SLC6A2: variants seen among roughly 807,000 people sequenced by gnomAD.
The protein encoded by SLC6A2 is solute carrier family 6 member 2.
Under a neutral mutation model 71.7 loss-of-function variants are expected in SLC6A2, and 26 were observed. The observed-to-expected ratio is 0.36, with a 90% CI of 0.27 to 0.50. The LOEUF is 0.50. Among genes scored for constraint, SLC6A2 ranks in the 20% least tolerant of loss-of-function variants. SLC6A2 has a pLI of 0.96. For missense variants in SLC6A2, 581 were observed against 803.9 expected, an observed-to-expected ratio of 0.72 and a Z score of 3.35; for synonymous variants, 363 against 337.9, an observed-to-expected ratio of 1.07 and a Z score of -0.82.
intron 4 of SLC6A2, 108 bp downstream of exon 4, chr16:55,672,283 A>G (rs1964947067): frequency 1.3e-6 from 2 of 1,586,070 alleles, no homozygotes; most frequent in Admixed American, 1.7e-5. Flanking sequence ...CCGTCAGGAT[A>G]TTAATGTTTA....
intron 10 of SLC6A2, 104 bp downstream of exon 10, chr16:55,698,129 C>A (rs1332716290): frequency 8.9e-5 from 114 of 1,279,388 alleles, no homozygotes; most frequent in Non-Finnish European, 1.1e-4. Flanking sequence ...TCAGGGAGAA[C>A]AATGCAGGAT....
chr16:55,679,067 C>A (rs1965186698), intron 4 of SLC6A2, among the ~76,000 whole-genome samples: 3 of 152,134 alleles, frequency 2.0e-5, no homozygotes, highest in African/African-American at 7.2e-5. Context: ...AGTTTCAGGG[C>A]AAGGATGATT....
chr16:55,692,880 A>G (rs13339610), intron 6 of SLC6A2, among the ~76,000 whole-genome samples: 75,108 of 152,072 alleles, frequency 0.49, 18,683 homozygotes, highest in Middle Eastern at 0.55. Flanking sequence ...GAGAAAACCT[A>G]TTTTCATAGT....
Position 55,671,916 on chromosome 16 carries a change from C to T in SLC6A2, c.407-22C>T, listed in dbSNP as rs766040714. 1.1e-5 allele frequency: 17 copies of T among 1,613,896 alleles called. No homozygotes were observed. The South Asian group carries it at 1.8e-4, about 17-fold the overall frequency. The stretch of plus-strand genomic sequence containing the variant: ...GGGGCTGGGCCTGGGAGACTCCTAC[C>T]TTACCCCCTGTCCCTGCCCAGGCGT... On this transcript the variant is annotated intron_variant, in intron 3 of 14. Transcript: ENST00000568943.
At chr16:55,692,988 C>T (rs1965683851) in intron 6 of SLC6A2, among the ~76,000 whole-genome samples, 1 of 152,204 alleles carries the variant, frequency 6.6e-6, no homozygotes, top group African/African-American at 2.4e-5. Flanking sequence ...TTATGCCAAA[C>T]CTTTCAGATG....
rs1228382244 is a variant in SLC6A2 at position 55,656,944 on chromosome 16, T to A, written c.250T>A (p.Tyr84Asn). Residue 84 changes from tyrosine to asparagine, a missense_variant, in exon 2 of 15, where the codon TAC becomes AAC. Physicochemically the swap from Tyr to Asn is moderately radical, Grantham distance 143. Coordinates refer to ENST00000568943, the MANE Select transcript of SLC6A2 (RefSeq NM_001172501.3). This position sits in a 1 kb window ranked among gnomAD's most constrained non-coding sequence, Gnocchi z 4.5. ...CCTGGCCAACGTGTGGCGCTTCCCC[T>A]ACCTCTGCTACAAGAACGGCGGCGG... ...VDLANVWRFPYLCYKNGGGAF... is the reference protein window; with the variant it reads ...VDLANVWRFPNLCYKNGGGAF... The A allele has an allele frequency of 6.2e-7, 1 of 1,613,656 alleles. No individual in the cohort carries two copies. Among genetic ancestry groups the A allele is most frequent in the Non-Finnish European group, 8.5e-7 (1 of 1,179,752 alleles).
intron 5 of SLC6A2, among the ~76,000 whole-genome samples, chr16:55,689,178 T>A (rs1365802616): frequency 6.6e-6 from 1 of 152,172 alleles, no homozygotes; most frequent in African/African-American, 2.4e-5. Flanking sequence ...GTTTACCCAT[T>A]GTGCATTCAG....
chr16:55,687,081 C>T (rs1292747018), intron 5 of SLC6A2, among the ~76,000 whole-genome samples: 1 of 47,016 alleles, frequency 2.1e-5, no homozygotes, highest in African/African-American at 8.7e-5. Context: ...TATGGATCAA[C>T]CAATGTCACT....
At chr16:55,682,965 G>A (rs761198669) in intron 4 of SLC6A2, among the ~76,000 whole-genome samples, 18 of 152,182 alleles carry the variant, frequency 1.2e-4, no homozygotes, top group Non-Finnish European at 1.6e-4. Flanking sequence ...GACGGTGCAC[G>A]AGCAGTTCCT....
intron 5 of SLC6A2, among the ~76,000 whole-genome samples, chr16:55,691,302 T>C (rs1965621483): frequency 7.7e-6 from 1 of 130,642 alleles, no homozygotes; most frequent in Non-Finnish European, 1.6e-5. Flanking sequence ...CTAAATATCC[T>C]GCCAGTCAGA....
At chr16:55,669,486 T>C in intron 2 of SLC6A2, 79 bp from the exon 3 acceptor site, 1 of 1,535,522 alleles carries the variant, frequency 6.5e-7, no homozygotes, top group Non-Finnish European at 9.0e-7. Flanking sequence ...CCAGGATCTT[T>C]GCAGCTCTTG....
At position 55,656,576 on chromosome 16, in the gene SLC6A2, G is replaced by C; in HGVS notation, c.-51-68G>C. 1 of 1,282,346 alleles carries C rather than the reference G, an allele frequency of 7.8e-7. No homozygotes were observed. The highest frequency in any genetic ancestry group is 1.2e-5 in the South Asian group (1 of 83,718). The allele number at this position is 1,282,346 out of a possible 1,614,324, so 79.4% of individuals were successfully genotyped here. A position where few individuals can be genotyped will look rare whatever the true frequency, so the allele number is the denominator to read the frequency against. ...ATCCCAGTGTCTAAGGCGCTCCCGGGTGGTCTTGGGAGTTGCAAGTAGGGA... is the reference window on the plus strand; with the variant it reads ...ATCCCAGTGTCTAAGGCGCTCCCGGCTGGTCTTGGGAGTTGCAAGTAGGGA... On this transcript the variant is annotated intron_variant, in intron 1 of 14. Coordinates refer to ENST00000568943, the MANE Select transcript of SLC6A2 (RefSeq NM_001172501.3). This position sits in a 1 kb window ranked among gnomAD's most constrained non-coding sequence, Gnocchi z 4.5.
chr16:55,702,659 C>T lies in SLC6A2; in HGVS notation c.*313C>T, dbSNP rs1966008529. 1 of 1,313,298 alleles carries T rather than the reference C, an allele frequency of 7.6e-7. No individual in the cohort carries two copies. Among genetic ancestry groups the T allele is most frequent in the Admixed American group, 3.2e-5 (1 of 30,776 alleles). The allele number at this position is 1,313,298 out of a possible 1,614,324, so 81.4% of individuals were successfully genotyped here. A position where few individuals can be genotyped will look rare whatever the true frequency, so the allele number is the denominator to read the frequency against. On this transcript the variant is annotated 3_prime_UTR_variant, in exon 15 of 15. Transcript: ENST00000568943. ...AAGCTAGGTTCATGAGGTCGGAAAT[C>T]CCCACCACATTTGCCTAGACTTTGG...
rs1194166743 is a variant in SLC6A2, at chr16:55,656,610, C to T, written c.-51-34C>T. 6.4e-7 allele frequency: 1 copy of T among 1,568,736 alleles called. No homozygotes were observed. The highest frequency in any genetic ancestry group is 8.7e-7 in the Non-Finnish European group (1 of 1,145,480). On this transcript the variant is annotated intron_variant, in intron 1 of 14. Coordinates refer to ENST00000568943, the MANE Select transcript of SLC6A2 (RefSeq NM_001172501.3). The surrounding 1 kb of genome is among the most constrained non-coding windows in gnomAD (Gnocchi z 4.5). ...GGAGTTGCAAGTAGGGAGGAACGGC[C>T]GGGTAACCACCTCTTTTCCCTTTAT...
chr16:55,689,814 C>T (rs1413724629), intron 5 of SLC6A2, among the ~76,000 whole-genome samples: 1 of 152,156 alleles, frequency 6.6e-6, no homozygotes, highest in East Asian at 1.9e-4. Flanking sequence ...TGAAAGAAAA[C>T]AAGTGGAAAT....
At chr16:55,676,389 C>T (rs1965088299) in intron 4 of SLC6A2, among the ~76,000 whole-genome samples, 1 of 152,222 alleles carries the variant, frequency 6.6e-6, no homozygotes, top group Admixed American at 6.5e-5. Flanking sequence ...CTCTTATCCT[C>T]ATCACACTCT....
chr16:55,659,005 GAGACCTTA>G (rs1284718183), intron 2 of SLC6A2, among the ~76,000 whole-genome samples: 1 of 152,158 alleles, frequency 6.6e-6, no homozygotes, highest in African/African-American at 2.4e-5. Flanking sequence ...TGATGAATGA[GAGACCTTA>G]AGACCCGCCA....
In SLC6A2 at chr16:55,677,750, C is replaced by T. The variant is rs1037137624; in HGVS notation, c.644+5575C>T. ...TCTCGGCTCAATGCAGCCTTGACCT[C>T]CCAGGCTCAAGTAATCCTCCCACCT... On this transcript the variant is annotated intron_variant, in intron 4 of 14. Transcript: ENST00000568943. Among the ~76,000 whole-genome samples the T allele has an allele frequency of 1.1e-4, 16 of 152,284 alleles. No homozygotes were observed. The East Asian group carries it at 3.1e-3, about 29-fold the overall frequency.
Position 55,702,498 on chromosome 16 carries a change from G to T in SLC6A2, c.*152G>T. ...TTTTCCCATTTACAAATGATTTCGT[G>T]ACTGTAGTTTTTGTTCACCTTCTGT... On this transcript the variant is annotated 3_prime_UTR_variant, in exon 15 of 15. Coordinates refer to ENST00000568943, the MANE Select transcript of SLC6A2 (RefSeq NM_001172501.3). The T allele has an allele frequency of 6.5e-7, 1 of 1,541,876 alleles. No homozygotes were observed. Among genetic ancestry groups the T allele is most frequent in the South Asian group, 1.2e-5 (1 of 82,800 alleles).
Sources: gnomAD v4.1 joint callset for allele counts (sites outside exome capture counted in the v4.1 genomes callset) on GRCh38, gnomAD v4.1.1 for gene constraint, Gnocchi (gnomAD v3.1) non-coding constraint, MANE v1.5 for transcripts, NCBI Gene and HGNC (gene_info 2026-07-23, HGNC 2026-07-21) for gene names.